Variants in FRMD4A observed in about 807,000 individuals in gnomAD.
FRMD4A encodes the protein FERM domain-containing protein 4A.
In FRMD4A, 29 loss-of-function variants were observed where a neutral mutation model predicts 129.1. The observed-to-expected ratio is 0.22, with a 90% CI of 0.17 to 0.31. The LOEUF is 0.31. Among genes scored for constraint, FRMD4A ranks in the 10% least tolerant of loss-of-function variants. The pLI is 1.00. For missense variants in FRMD4A, 1,272 were observed against 1,375.8 expected (o/e 0.92, Z 1.19); for synonymous variants, 634 against 571.6 (o/e 1.11, Z -1.56).
At chr10:13,940,390 C>G (rs569254342) in intron 2 of FRMD4A, among the ~76,000 whole-genome samples, 20 of 152,224 alleles carry the variant, frequency 1.3e-4, no homozygotes, top group African/African-American at 4.6e-4. Flanking sequence ...TGAGGTCTTT[C>G]CTACTGTCTA....
Position 13,644,300 on chromosome 10 carries a change from A to T in FRMD4A, c.*2738T>A, listed in dbSNP as rs1009139955. On this transcript the variant is annotated 3_prime_UTR_variant, in exon 25 of 25. Coordinates refer to ENST00000357447, the MANE Select transcript of FRMD4A (RefSeq NM_018027.5). Reference sequence around the variant, plus strand: ...TCGTATTTCACCTTATTTTGTTTTAAAGAAATAGGGATAAAGAGTTTGCAA... The same window carrying T: ...TCGTATTTCACCTTATTTTGTTTTATAGAAATAGGGATAAAGAGTTTGCAA... 6.6e-6 allele frequency: 1 copy of T among 152,220 alleles called. No individual in the cohort carries two copies. Among genetic ancestry groups the T allele is most frequent in the Non-Finnish European group, 1.5e-5 (1 of 68,040 alleles). 9.4% of individuals were successfully genotyped at this position (152,220 alleles called of 1,614,324 possible). A position where few individuals can be genotyped will look rare whatever the true frequency, so the allele number is the denominator to read the frequency against.
chr10:14,327,739 C>T (rs939005345), intron 2 of FRMD4A, among the ~76,000 whole-genome samples: 1 of 152,210 alleles, frequency 6.6e-6, no homozygotes, highest in Non-Finnish European at 1.5e-5. Context: ...AAAATCAGAA[C>T]TGCAATCCAC....
intron 2 of FRMD4A, chr10:14,326,785 G>C (rs1320823912): frequency 1.0e-5 from 4 of 398,440 alleles, no homozygotes; most frequent in Non-Finnish European, 1.8e-5. Flanking sequence ...GTAGCCAAGA[G>C]CTTCCCGCTC....
chr10:13,821,372 G>C lies in FRMD4A; in HGVS notation c.112-10464C>G, dbSNP rs537010793. ...TCTTGGCTCTCAGGCACCCAGAACA[G>C]GTAGGAGAGACCCCGAAGCCAAGAT... On this transcript the variant is annotated intron_variant, in intron 3 of 24. Coordinates refer to ENST00000357447, the MANE Select transcript of FRMD4A (RefSeq NM_018027.5). This position sits in a 1 kb window ranked among gnomAD's most constrained non-coding sequence, Gnocchi z 4.3. Among the ~76,000 whole-genome samples, 1 of 152,264 alleles carries C rather than the reference G, an allele frequency of 6.6e-6. No homozygotes were observed. Among genetic ancestry groups the C allele is most frequent in the East Asian group, 1.9e-4 (1 of 5,184 alleles).
intron 13 of FRMD4A, among the ~76,000 whole-genome samples, chr10:13,703,590 G>C (rs950127958): frequency 3.3e-5 from 5 of 152,186 alleles, no homozygotes; most frequent in African/African-American, 9.7e-5. Context: ...TGGCTTGGGG[G>C]AGGGGCTGAG....
chr10:13,973,127 T>C (rs1291910886), intron 2 of FRMD4A, among the ~76,000 whole-genome samples: 1 of 152,174 alleles, frequency 6.6e-6, no homozygotes, highest in Non-Finnish European at 1.5e-5. Flanking sequence ...CCTCACTAGG[T>C]TGTGAGGATT....
At chr10:13,890,553 C>T in intron 2 of FRMD4A, 3 of 982,340 alleles carry the variant, frequency 3.1e-6, no homozygotes, top group Non-Finnish European at 3.6e-6. Flanking sequence ...CCCGATAGAA[C>T]AGGCTGTCAC....
At chr10:13,926,846 C>T (rs1188958184) in intron 2 of FRMD4A, among the ~76,000 whole-genome samples, 2 of 152,230 alleles carry the variant, frequency 1.3e-5, no homozygotes, top group African/African-American at 4.8e-5. Flanking sequence ...CTGAGGGTCA[C>T]TTCTGGAATT....
chr10:13,868,719 A>G (rs1485122514), intron 2 of FRMD4A, among the ~76,000 whole-genome samples: 1 of 152,150 alleles, frequency 6.6e-6, no homozygotes, highest in Non-Finnish European at 1.5e-5. Context: ...GGATTGCCTG[A>G]GCCCAAGAGG....
intron 2 of FRMD4A, among the ~76,000 whole-genome samples, chr10:14,034,626 T>A (rs574890517): frequency 6.6e-6 from 1 of 152,184 alleles, no homozygotes; most frequent in East Asian, 1.9e-4. Context: ...GGTGGGTGGG[T>A]CTCTACCTGC....
intron 5 of FRMD4A, among the ~76,000 whole-genome samples, chr10:13,785,419 G>A (rs2092829543): frequency 6.6e-6 from 1 of 152,090 alleles, no homozygotes; most frequent in African/African-American, 2.4e-5. Context: ...CCCTGCTTCT[G>A]GAGCAGGTGT....
chr10:14,298,192 A>T (rs369587319), intron 2 of FRMD4A, among the ~76,000 whole-genome samples: 1,676 of 152,312 alleles, frequency 0.011, 32 homozygotes, highest in African/African-American at 0.037. Flanking sequence ...TGCAGAAAAA[A>T]ATTGCCATCC....
At chr10:13,797,110 G>A (rs1427416547) in intron 4 of FRMD4A, among the ~76,000 whole-genome samples, 1 of 152,204 alleles carries the variant, frequency 6.6e-6, no homozygotes, top group African/African-American at 2.4e-5. Flanking sequence ...TGTGTGGTGT[G>A]AGGGGAAGAA....
rs535253245 is a variant in FRMD4A at position 13,916,826 on chromosome 10, GAGA to G, written c.46-57917_46-57915del. 2.6e-3 allele frequency among the ~76,000 whole-genome samples: 390 copies of G among 152,116 alleles called. 1 individual carries two copies. The highest frequency in any genetic ancestry group is 9.1e-3 in the African/African-American group (378 of 41,484). ...TTTGTATTTGTTTGCTTGTTTTTAG[GAGA>G]AGAAGAAAAACATTCTACTCATTTC... is the stretch of plus-strand genomic sequence containing the variant. On this transcript the variant is annotated intron_variant, in intron 2 of 24. Transcript: ENST00000357447.
intron 9 of FRMD4A, among the ~76,000 whole-genome samples, chr10:13,745,945 C>T (rs571852688): frequency 3.0e-4 from 45 of 152,144 alleles, no homozygotes; most frequent in Non-Finnish European, 5.7e-4. Context: ...TTTGGGGGTT[C>T]GGATTGCAAG....
At chr10:14,091,998 T>C (rs185662454) in intron 2 of FRMD4A, among the ~76,000 whole-genome samples, 110 of 152,282 alleles carry the variant, frequency 7.2e-4, no homozygotes, top group African/African-American at 2.5e-3. Flanking sequence ...GATGATTGTG[T>C]CTTCTTAGCA....
chr10:13,866,341 C>T (rs949013450), intron 2 of FRMD4A: 7 of 895,042 alleles, frequency 7.8e-6, no homozygotes, highest in African/African-American at 1.8e-5. Flanking sequence ...ACAGCAGCCC[C>T]TCATGATCTG....
intron 2 of FRMD4A, among the ~76,000 whole-genome samples, chr10:14,011,989 G>A (rs1170492472): frequency 1.3e-5 from 2 of 150,864 alleles, no homozygotes; most frequent in African/African-American, 2.4e-5. Context: ...AGCCTGGGAG[G>A]CAGACAGCAT....
At chr10:14,056,109 G>A (rs1834516737) in intron 2 of FRMD4A, among the ~76,000 whole-genome samples, 1 of 152,098 alleles carries the variant, frequency 6.6e-6, no homozygotes, top group Non-Finnish European at 1.5e-5. Context: ...TTGACTTACT[G>A]CAACCTCCAC....
Sources: gnomAD v4.1 joint callset for allele counts (sites outside exome capture counted in the v4.1 genomes callset) on GRCh38, gnomAD v4.1.1 for gene constraint, Gnocchi (gnomAD v3.1) non-coding constraint, MANE v1.5 for transcripts, NCBI Gene and HGNC (gene_info 2026-07-23, HGNC 2026-07-21) for gene names.